The following FOXP4 variants were observed in gnomAD, a reference collection of about 807,000 sequenced individuals.
The protein encoded by FOXP4 is forkhead box protein P4.
In FOXP4, 25 loss-of-function variants were observed where a neutral mutation model predicts 82.6. The ratio of observed to expected loss-of-function variants is 0.30; its 90% confidence interval spans 0.22 to 0.42. The LOEUF (loss-of-function observed/expected upper bound fraction) is 0.42, where lower values mean the gene tolerates loss of function less well. Ranked by LOEUF, FOXP4 falls within the 10% of genes least tolerant of loss-of-function variation. FOXP4 has a pLI of 1.00. For missense variants in FOXP4, 785 were observed against 900.9 expected, an observed-to-expected ratio of 0.87 and a Z score of 1.65; for synonymous variants, 415 against 388.2, an observed-to-expected ratio of 1.07 and a Z score of -0.81.
Position 41,590,160 on chromosome 6 carries a change from C to T in FOXP4, c.1347C>T (p.Pro449=), listed in dbSNP as rs768625835. Reference sequence around the variant, plus strand: ...GAAGCAGTGACAAGTTCTGCTCCCCCATCTCCTCAGGTGAGGGTGGGCTGG... The same window carrying T: ...GAAGCAGTGACAAGTTCTGCTCCCCTATCTCCTCAGGTGAGGGTGGGCTGG... The part of the protein sequence containing the change: ...RRRSSDKFCS[P]ISSELAQNHE... Residue 449 remains proline (P), a synonymous_variant, in exon 11 of 17, where the codon CCC becomes CCT. Transcript: ENST00000307972. 2.7e-5 allele frequency: 44 copies of T among 1,606,076 alleles called. No homozygotes were observed. The South Asian group carries it at 4.1e-4, about 15-fold the overall frequency.
At chr6:41,595,581 A>T (rs977961058) in intron 14 of FOXP4, among the ~76,000 whole-genome samples, 1 of 151,818 alleles carries the variant, frequency 6.6e-6, no homozygotes, top group African/African-American at 2.4e-5. Flanking sequence ...TTTATTTATT[A>T]TTTTTTTAAT....
At chr6:41,552,101 G>A (rs138307862) in intron 1 of FOXP4, among the ~76,000 whole-genome samples, 319 of 152,254 alleles carry the variant, frequency 2.1e-3, no homozygotes, top group Non-Finnish European at 3.7e-3. Flanking sequence ...GGTAGCTTCC[G>A]TTCTCATCTC....
intron 1 of FOXP4, among the ~76,000 whole-genome samples, chr6:41,556,675 T>A (rs1277832664): frequency 6.6e-6 from 1 of 152,174 alleles, no homozygotes; most frequent in Non-Finnish European, 1.5e-5. Flanking sequence ...TGCCGAGGCC[T>A]TGCTGCGTCA....
In FOXP4 at chr6:41,597,938, C is replaced by T. The variant is rs755365713; in HGVS notation, c.1883C>T (p.Pro628Leu). Reference protein sequence around the residue: ...NGSSSPPRLSPPQYSHQVQVK... With the variant: ...NGSSSPPRLSLPQYSHQVQVK... ...AGCAGCAGCCCTCCTCGCCTCTCCC[C>T]GCCCCAGTACAGGTGAGCACACAGC... Residue 628 changes from proline to leucine, a missense_variant, in exon 16 of 17, where the codon CCG (proline) becomes CTG (leucine). By Grantham distance (98) the Pro-to-Leu change is moderately conservative (BLOSUM62 -3). Coordinates refer to ENST00000307972, the MANE Select transcript of FOXP4 (RefSeq NM_001012426.2). 1.6e-5 allele frequency: 24 copies of T among 1,546,990 alleles called. No individual in the cohort carries two copies. Among genetic ancestry groups the T allele is most frequent in the Middle Eastern group, 2.3e-4 (1 of 4,356 alleles).
intron 8 of FOXP4, 22 bp downstream of exon 8, chr6:41,587,919 T>G: frequency 8.2e-7 from 1 of 1,221,660 alleles, no homozygotes; most frequent in Non-Finnish European, 1.1e-6. Flanking sequence ...CCCCAGCCCC[T>G]CCCCCAGCAG....
At position 41,598,905 on chromosome 6, in the gene FOXP4, A is replaced by G; in HGVS notation, c.2012A>G (p.Glu671Gly). The part of the protein sequence containing the change: ...ASGPPEDRDL[E>G]EELPGEELS ...GGGCCTCCGGAAGACAGGGACCTGGAGGAGGAGCTGCCGGGAGAAGAACTG... is the reference window on the plus strand; with the variant it reads ...GGGCCTCCGGAAGACAGGGACCTGGGGGAGGAGCTGCCGGGAGAAGAACTG... Residue 671 changes from glutamate (E) to glycine (G), a missense_variant, in exon 17 of 17, where the codon GAG becomes GGG. By Grantham distance (98) the Glu-to-Gly change is moderately conservative. Transcript: ENST00000307972. 15 of 1,608,136 alleles carry G rather than the reference A, an allele frequency of 9.3e-6. No individual in the cohort carries two copies. The highest frequency in any genetic ancestry group is 1.3e-5 in the Non-Finnish European group (15 of 1,178,226).
rs768025684 is a variant in FOXP4, at chr6:41,558,050, A to C, written c.-16-7695A>C. Among the ~76,000 whole-genome samples, 22 of 152,074 alleles carry C rather than the reference A, an allele frequency of 1.4e-4. No homozygotes were observed. The highest frequency in any genetic ancestry group is 2.2e-4 in the Non-Finnish European group (15 of 68,012). ...GGGTAGGCAGCTTCTAGGATGTCAC[A>C]GTCATTGAGGGAGACTCCCAGGCCA... On this transcript the variant is annotated intron_variant, in intron 1 of 16. Coordinates refer to ENST00000307972, the MANE Select transcript of FOXP4 (RefSeq NM_001012426.2). This position sits in a 1 kb window ranked among gnomAD's most constrained non-coding sequence, Gnocchi z 4.0.
chr6:41,588,583 G>A, intron 8 of FOXP4, 61 bp from the exon 9 acceptor site: 6 of 1,514,434 alleles, frequency 4.0e-6, no homozygotes, highest in Non-Finnish European at 5.5e-6. Flanking sequence ...GATAGGATGG[G>A]AGGATGGTGG....
Position 41,599,052 on chromosome 6 carries a change from C to A in FOXP4, c.*116C>A. 3.7e-6 allele frequency: 5 copies of A among 1,356,436 alleles called. No individual in the cohort carries two copies. Among genetic ancestry groups the A allele is most frequent in the South Asian group, 3.1e-5 (2 of 64,140 alleles). The allele number at this position is 1,356,436 out of a possible 1,614,324, so 84.0% of individuals were successfully genotyped here. A position where few individuals can be genotyped will look rare whatever the true frequency, so the allele number is the denominator to read the frequency against. On this transcript the variant is annotated 3_prime_UTR_variant, in exon 17 of 17. Coordinates refer to ENST00000307972, the MANE Select transcript of FOXP4 (RefSeq NM_001012426.2). ...CTCAAGGCAAGTCCAGGACTCAGAC[C>A]GGGGAGGCCCGGGCCAGCAGCTCCC... is the stretch of plus-strand genomic sequence containing the variant.
rs1766534648 is a variant in FOXP4 at position 41,591,925 on chromosome 6, G to T, written c.1536+603G>T. Among the ~76,000 whole-genome samples the T allele has an allele frequency of 6.6e-6, 1 of 152,132 alleles. No homozygotes were observed. On this transcript the variant is annotated intron_variant, in intron 13 of 16. Transcript: ENST00000307972. This position sits in a 1 kb window ranked among gnomAD's most constrained non-coding sequence, Gnocchi z 4.2. ...GGAGAGCAGAAGCAGGCAAGAGGGG[G>T]ACTCTAGAAAAATGGGAGACAGATG...
chr6:41,594,339 C>T (rs773946361), intron 13 of FOXP4, among the ~76,000 whole-genome samples: 1 of 152,226 alleles, frequency 6.6e-6, no homozygotes, highest in Admixed American at 6.5e-5. Context: ...TTCTGAGCCA[C>T]AGCCAAAGCA....
chr6:41,576,738 A>G (rs1010726030), intron 2 of FOXP4, among the ~76,000 whole-genome samples: 4 of 152,132 alleles, frequency 2.6e-5, no homozygotes, highest in Admixed American at 1.3e-4. Flanking sequence ...GGAGATGGGT[A>G]GTTTCCCAGT....
chr6:41,600,434 A>G lies in FOXP4; in HGVS notation c.*1498A>G, dbSNP rs1192900983. ...CAAGGCCAAGGACTGGGCGTATCGG[A>G]TGCTCATAACACCCCTGGCCTGGCC... On this transcript the variant is annotated 3_prime_UTR_variant, in exon 17 of 17. Transcript: ENST00000307972. The G allele has an allele frequency of 6.6e-6, 1 of 152,472 alleles. No homozygotes were observed. The highest frequency in any genetic ancestry group is 2.4e-5 in the African/African-American group (1 of 41,420). 9.4% of individuals were successfully genotyped at this position (152,472 alleles called of 1,614,324 possible).
intron 3 of FOXP4, among the ~76,000 whole-genome samples, chr6:41,581,788 G>A (rs1237762364): frequency 1.3e-5 from 2 of 152,260 alleles, no homozygotes; most frequent in African/African-American, 2.4e-5. Context: ...CAGCTGCTCA[G>A]CCAAGTGGCA....
At position 41,565,751 on chromosome 6, in the gene FOXP4, C is replaced by CT. The variant is rs1172316310; in HGVS notation, c.-9dup. On this transcript the variant is annotated 5_prime_UTR_variant, in exon 2 of 17. Transcript: ENST00000307972. ...GTCTCTCTTCCTCCTCCAGGTACCG[C>CT]TAGAGCGACATGATGGTGGAATCTG... 3.8e-6 allele frequency: 6 copies of CT among 1,591,212 alleles called. No homozygotes were observed. The highest frequency in any genetic ancestry group is 4.3e-6 in the Non-Finnish European group (5 of 1,165,182).
At chr6:41,595,693 C>T (rs536397397) in intron 14 of FOXP4, among the ~76,000 whole-genome samples, 26 of 151,392 alleles carry the variant, frequency 1.7e-4, no homozygotes, top group Non-Finnish European at 2.9e-4. Context: ...ACCTCCACTT[C>T]CCGGGTTCAA....
At chr6:41,555,420 C>G (rs1047981739) in intron 1 of FOXP4, among the ~76,000 whole-genome samples, 1 of 152,170 alleles carries the variant, frequency 6.6e-6, no homozygotes, top group Admixed American at 6.5e-5. Context: ...CACTTGCCCC[C>G]TACATCTGAG....
chr6:41,565,260 T>C (rs920694251), intron 1 of FOXP4, among the ~76,000 whole-genome samples: 9 of 152,126 alleles, frequency 5.9e-5, no homozygotes, highest in African/African-American at 2.2e-4. Context: ...CTCAGGAGGC[T>C]GAGGTAGAAG....
rs749699849 is a variant in FOXP4 at position 41,587,121 on chromosome 6, A to G, written c.623A>G (p.Asn208Ser). Reference sequence around the variant, plus strand: ...CAGGGGCTGGTCAGCCTGCAGCCCAACCAAGCCTCGGGGCCCCTCCAGACC... The same window carrying G: ...CAGGGGCTGGTCAGCCTGCAGCCCAGCCAAGCCTCGGGGCCCCTCCAGACC... ...QRQGLVSLQP[N>S]QASGPLQTLP... Residue 208 changes from asparagine to serine, a missense_variant, in exon 6 of 17, where the codon AAC (asparagine) becomes AGC (serine). By Grantham distance (46) the Asn-to-Ser change is conservative. Around this residue, in one of 3 missense-constraint regions of FOXP4, gnomAD observed 570 missense variants for 634.0 expected, o/e 0.90. Coordinates refer to ENST00000307972, the MANE Select transcript of FOXP4 (RefSeq NM_001012426.2). The G allele has an allele frequency of 3.2e-5, 52 of 1,607,794 alleles. No individual in the cohort carries two copies. Among genetic ancestry groups the G allele is most frequent in the South Asian group, 7.7e-5 (7 of 90,916 alleles).
Sources: gnomAD v4.1 joint callset for allele counts (sites outside exome capture counted in the v4.1 genomes callset) on GRCh38, gnomAD v4.1.1 for gene constraint, gnomAD v4.1.1 regional missense constraint, Gnocchi (gnomAD v3.1) non-coding constraint, MANE v1.5 for transcripts, NCBI Gene and HGNC (gene_info 2026-07-23, HGNC 2026-07-21) for gene names.